F13B: variants seen among roughly 807,000 people sequenced by gnomAD.
The protein encoded by F13B is TGase.
F13B carries 58 observed loss-of-function variants against 79.8 expected under a neutral mutation model. The ratio of observed to expected loss-of-function variants is 0.73; its 90% confidence interval spans 0.59 to 0.90. The LOEUF is 0.90. Among genes scored for constraint, F13B ranks in the 40% least tolerant of loss-of-function variants. The probability of loss-of-function intolerance (pLI) is 0.00; values close to 1 mark genes in which losing one functional copy is unlikely to be tolerated. For missense variants in F13B, 773 were observed against 777.0 expected (o/e 0.99, Z 0.06); for synonymous variants, 283 against 260.3 (o/e 1.09, Z -0.84).
chr1:197,043,987 C>G (rs1571550821), intron 10 of F13B, among the ~76,000 whole-genome samples: 1 of 151,960 alleles, frequency 6.6e-6, no homozygotes, highest in East Asian at 1.9e-4. Flanking sequence ...TTGCACTGAT[C>G]TCCCTGGGAG....
chr1:197,049,403 ACAAAAGATACAT>A (rs1432683520), intron 10 of F13B, among the ~76,000 whole-genome samples: 1 of 152,134 alleles, frequency 6.6e-6, no homozygotes, highest in Non-Finnish European at 1.5e-5. Flanking sequence ...AGAAGTAATA[ACAAAAGATACAT>A]CAATAAAAAC....
At chr1:197,055,690 A>G (rs1225597495) in intron 8 of F13B, 25 bp downstream of exon 8, 3 of 1,607,264 alleles carry the variant, frequency 1.9e-6, no homozygotes, top group Admixed American at 3.3e-5. Context: ...ACAAACGTAG[A>G]CATTCCATGT....
intron 8 of F13B, among the ~76,000 whole-genome samples, chr1:197,053,702 G>C (rs533422093): frequency 6.6e-6 from 1 of 152,100 alleles, no homozygotes; most frequent in Non-Finnish European, 1.5e-5. Flanking sequence ...GCAGGAGGGG[G>C]TAACAAAAGA....
intron 10 of F13B, among the ~76,000 whole-genome samples, chr1:197,047,155 C>A (rs1412932175): frequency 2.0e-5 from 3 of 152,072 alleles, no homozygotes; most frequent in Non-Finnish European, 1.5e-5. Context: ...CCAAAATAGA[C>A]AAATGGAATT....
At chr1:197,041,259 A>C (rs1201744715) in intron 10 of F13B, among the ~76,000 whole-genome samples, 1 of 152,164 alleles carries the variant, frequency 6.6e-6, no homozygotes. Flanking sequence ...TCTCTTTCAA[A>C]TTTCTAGTTA....
chr1:197,062,638 G>T (rs1236313989), intron 2 of F13B, among the ~76,000 whole-genome samples: 1 of 151,988 alleles, frequency 6.6e-6, no homozygotes, highest in South Asian at 2.1e-4. Context: ...CTTCAACAGA[G>T]TATTATTAAA....
chr1:197,049,143 A>T (rs1379659640), intron 10 of F13B, among the ~76,000 whole-genome samples: 1 of 152,120 alleles, frequency 6.6e-6, no homozygotes, highest in East Asian at 1.9e-4. Context: ...TTCTATTTTT[A>T]AATTCATGTA....
intron 5 of F13B, 42 bp from the exon 6 acceptor site, chr1:197,057,507 C>T (rs756855326): frequency 6.4e-7 from 1 of 1,569,228 alleles, no homozygotes. Context: ...CATATAATTA[C>T]AAAAAATAAT....
intron 2 of F13B, among the ~76,000 whole-genome samples, 196 bp from the exon 3 acceptor site, chr1:197,062,165 T>A (rs1169350793): frequency 6.6e-6 from 1 of 152,142 alleles, no homozygotes. Flanking sequence ...TAGTAATTTC[T>A]ACCCCTACCA....
At position 197,057,471 on chromosome 1, in the gene F13B, G is replaced by T. The variant is rs201251301; in HGVS notation, c.806-6C>A. Reference sequence around the variant, plus strand: ...AGGACATCTGTTTCTTCTTCCTTATGGAAAAAATTAATCAGCACCTTTAGT... The same window carrying T: ...AGGACATCTGTTTCTTCTTCCTTATTGAAAAAATTAATCAGCACCTTTAGT... On this transcript the variant is annotated splice_polypyrimidine_tract_variant and splice_region_variant and intron_variant, in intron 5 of 11. Coordinates refer to ENST00000367412, the MANE Select transcript of F13B (RefSeq NM_001994.3). The T allele has an allele frequency of 1.9e-6, 3 of 1,613,214 alleles. No individual in the cohort carries two copies. In the East Asian group the frequency reaches 6.7e-5, roughly 36 times the overall value.
chr1:197,044,249 C>T (rs1286142099), intron 10 of F13B, among the ~76,000 whole-genome samples: 7 of 151,974 alleles, frequency 4.6e-5, no homozygotes, highest in African/African-American at 1.4e-4. Flanking sequence ...GCAGTTTCCA[C>T]GCCCATGGAG....
chr1:197,063,657 T>A (rs531343309), intron 1 of F13B, among the ~76,000 whole-genome samples: 1 of 152,164 alleles, frequency 6.6e-6, no homozygotes, highest in East Asian at 1.9e-4. Flanking sequence ...AAGTCACTTA[T>A]GTAATTTAAA....
rs758553982 is a variant in F13B at position 197,039,420 on chromosome 1, G to A, written c.1953-9C>T. The A allele has an allele frequency of 1.9e-6, 3 of 1,607,658 alleles. No individual in the cohort carries two copies. Among genetic ancestry groups the A allele is most frequent in the Admixed American group, 1.7e-5 (1 of 59,798 alleles). ...CTTGATAAGACAGAGTGCTTGAGGG[G>A]AAAAAGAGAGATTTTTGAAATAAGC... On this transcript the variant is annotated splice_polypyrimidine_tract_variant and intron_variant, in intron 11 of 11. Transcript: ENST00000367412.
chr1:197,055,398 G>A (rs1193813840), intron 8 of F13B, among the ~76,000 whole-genome samples: 1 of 151,898 alleles, frequency 6.6e-6, no homozygotes, highest in African/African-American at 2.4e-5. Context: ...GAGATATTGA[G>A]GGCTGTATAC....
In F13B at chr1:197,039,190, T is replaced by C. The variant is rs1054600668; in HGVS notation, c.*188A>G. The stretch of plus-strand genomic sequence containing the variant: ...AGAGATTAAGTTCTACATCAAATCA[T>C]ACAAACTAAAAATTAGACATTTATT... On this transcript the variant is annotated 3_prime_UTR_variant, in exon 12 of 12. Coordinates refer to ENST00000367412, the MANE Select transcript of F13B (RefSeq NM_001994.3). 1.8e-5 allele frequency: 10 copies of C among 570,732 alleles called. No individual in the cohort carries two copies. Among genetic ancestry groups the C allele is most frequent in the African/African-American group, 1.1e-4 (6 of 53,218 alleles). 35.4% of individuals were successfully genotyped at this position (570,732 alleles called of 1,614,324 possible).
At chr1:197,056,207 A>G (rs1655635540) in intron 7 of F13B, among the ~76,000 whole-genome samples, 1 of 152,158 alleles carries the variant, frequency 6.6e-6, no homozygotes, top group Non-Finnish European at 1.5e-5. Flanking sequence ...ATTATGGTCA[A>G]TTCTAAAATT....
intron 10 of F13B, among the ~76,000 whole-genome samples, chr1:197,045,820 T>A (rs1194558433): frequency 6.6e-6 from 1 of 152,132 alleles, no homozygotes; most frequent in Non-Finnish European, 1.5e-5. Flanking sequence ...TCCACCACGA[T>A]CAAGATGGCT....
In F13B at chr1:197,040,640, T is replaced by C. The variant is rs908534762; in HGVS notation, c.1834A>G (p.Ile612Val). The C allele has an allele frequency of 6.2e-7, 1 of 1,612,646 alleles. No individual in the cohort carries two copies. The highest frequency in any genetic ancestry group is 1.3e-5 in the African/African-American group (1 of 74,968). The change falls in exon 11 of 12, where the codon ATT (isoleucine) becomes GTT (valine). Residue 612 changes from isoleucine to valine, a missense_variant. Coordinates refer to ENST00000367412, the MANE Select transcript of F13B (RefSeq NM_001994.3). ...NRPHILHGEY[I>V]EFICRGDTYP... Reference sequence around the variant, plus strand: ...GTATCTCCTCTACAAATAAACTCAATATATTCACCATGCAAAATGTGTGGT... The same window carrying C: ...GTATCTCCTCTACAAATAAACTCAACATATTCACCATGCAAAATGTGTGGT...
chr1:197,040,928 G>C (rs1406923422), intron 10 of F13B, among the ~76,000 whole-genome samples, 193 bp from the exon 11 acceptor site: 1 of 151,862 alleles, frequency 6.6e-6, no homozygotes, highest in Non-Finnish European at 1.5e-5. Flanking sequence ...AAAACAGTGA[G>C]CCATTTCTCT....
Sources: allele counts gnomAD v4.1 joint callset (sites outside exome capture counted in the v4.1 genomes callset), GRCh38; gene constraint gnomAD v4.1.1; transcripts MANE v1.5; gene names NCBI Gene and HGNC (gene_info 2026-07-23, HGNC 2026-07-21).